CTSA: variants seen among roughly 807,000 people sequenced by gnomAD.
CTSA encodes cathepsin A.
Under a neutral mutation model 66.7 loss-of-function variants are expected in CTSA, and 42 were observed. The observed-to-expected ratio is 0.63, with a 90% CI of 0.49 to 0.81. The LOEUF (loss-of-function observed/expected upper bound fraction) is 0.81. Ranked by LOEUF, CTSA falls within the 40% of genes least tolerant of loss-of-function variation. The pLI, the probability that CTSA is intolerant of heterozygous loss-of-function variation, is 0.00. For synonymous variants in CTSA, 225 were observed against 248.6 expected (o/e 0.91, Z 0.89); for missense variants, 525 against 610.9 (o/e 0.86, Z 1.48).
chr20:45,894,736 T>G lies in CTSA; in HGVS notation c.864T>G (p.His288Gln). 6.2e-7 allele frequency: 1 copy of G among 1,613,960 alleles called. No individual in the cohort carries two copies. Among genetic ancestry groups the G allele is most frequent in the South Asian group, 1.1e-5 (1 of 91,070 alleles). Residue 288 changes from histidine to glutamine, a missense_variant, in exon 9 of 15, where the codon CAT becomes CAG. This residue lies in a region of CTSA where 274 missense variants were observed against 321.1 expected (regional missense o/e 0.85). Transcript: ENST00000646241. ...CGTGTGCTGGAGGGGTGCCCAGCCA[T>G]TTTAGGTAGGTGCTGCTGGGTGCCC... ...YAPCAGGVPS[H>Q]FRYEKDTVVV...
rs756596610 is a variant in CTSA at position 45,891,875 on chromosome 20, CCCCT to C, written c.195-38_195-35del. 6.2e-7 allele frequency: 1 copy of C among 1,604,632 alleles called. No homozygotes were observed. The highest frequency in any genetic ancestry group is 8.5e-7 in the Non-Finnish European group (1 of 1,171,506). On this transcript the variant is annotated intron_variant, in intron 2 of 14. Transcript: ENST00000646241. This position sits in a 1 kb window ranked among gnomAD's most constrained non-coding sequence, Gnocchi z 4.6. ...TGGGAGCCGGGAGGGCTGGAAAGGG[CCCCT>C]CCAACTGCGCCAACCCTGCCCTGAC...
chr20:45,897,702 C>A lies in CTSA; in HGVS notation c.1165-15C>A, dbSNP rs778048027. 6.5e-6 allele frequency: 10 copies of A among 1,536,574 alleles called. No homozygotes were observed. Among genetic ancestry groups the A allele is most frequent in the Middle Eastern group, 3.4e-4 (2 of 5,926 alleles). The stretch of plus-strand genomic sequence containing the variant: ...CTTGTTCCACACCCCTCATTTTTAC[C>A]CCATCCTGCTTTAGAAATACCAGAT... On this transcript the variant is annotated splice_polypyrimidine_tract_variant and intron_variant, in intron 12 of 14. Transcript: ENST00000646241.
At position 45,892,534 on chromosome 20, in the gene CTSA, A is replaced by G. The variant is rs776941432; in HGVS notation, c.444+50A>G. On this transcript the variant is annotated intron_variant, in intron 5 of 14. Transcript: ENST00000646241. ...CCCCAGGCTCCCCGGTCCTCCATCC[A>G]TGGCATGATGCTGGGAGAGAGAGCA... 6 of 1,571,196 alleles carry G rather than the reference A, an allele frequency of 3.8e-6. No individual in the cohort carries two copies. The African/African-American group carries it at 4.1e-5, about 11-fold the overall frequency.
At position 45,897,764 on chromosome 20, in the gene CTSA, T is replaced by G; in HGVS notation, c.1212T>G (p.Asn404Lys). The G allele has an allele frequency of 6.2e-7, 1 of 1,612,912 alleles. No individual in the cohort carries two copies. The highest frequency in any genetic ancestry group is 1.1e-5 in the South Asian group (1 of 91,080). ...ATGGAGATGTAGACATGGCCTGCAA[T>G]TTCATGGGGGATGAGTGGTTTGTGG... ...LYNGDVDMAC[N>K]FMGDEWFVDS... Residue 404 changes from asparagine to lysine, a missense_variant, in exon 13 of 15, where the codon AAT (asparagine) becomes AAG (lysine). Asn to Lys is a moderately conservative substitution (Grantham distance 94). Coordinates refer to ENST00000646241, the MANE Select transcript of CTSA (RefSeq NM_000308.4).
chr20:45,897,855 G>A, intron 13 of CTSA, 49 bp downstream of exon 13: 22 of 1,523,492 alleles, frequency 1.4e-5, no homozygotes, highest in Non-Finnish European at 1.9e-5. Flanking sequence ...GTGGAGGATT[G>A]GGAGCGGGTA....
intron 5 of CTSA, 53 bp from the exon 6 acceptor site, chr20:45,892,672 A>C: frequency 6.2e-7 from 1 of 1,612,048 alleles, no homozygotes; most frequent in Non-Finnish European, 8.5e-7. Flanking sequence ...AGTTCTTTCC[A>C]GTTCAAATAC....
chr20:45,898,415 A>G lies in CTSA; in HGVS notation c.1408A>G (p.Met470Val), dbSNP rs978638084. Residue 470 changes from methionine to valine, a missense_variant, in exon 15 of 15, where the codon ATG (methionine) becomes GTG (valine). By Grantham distance (21) the Met-to-Val change is conservative. This residue lies in a region of CTSA where 274 missense variants were observed against 321.1 expected (regional missense o/e 0.85). Transcript: ENST00000646241. This position sits in a 1 kb window ranked among gnomAD's most constrained non-coding sequence, Gnocchi z 4.6. ...PTDKPLAAFT[M>V]FSRFLNKQPY ...CGACAAGCCCCTCGCTGCCTTCACC[A>G]TGTTCTCCCGCTTCCTGAACAAGCA... The G allele has an allele frequency of 2.5e-5, 41 of 1,613,718 alleles. No homozygotes were observed. Among genetic ancestry groups the G allele is most frequent in the Non-Finnish European group, 3.3e-5 (39 of 1,179,934 alleles).
chr20:45,891,969 A>G lies in CTSA; in HGVS notation c.248A>G (p.Asn83Ser), dbSNP rs758876717. Reference sequence around the variant, plus strand: ...AACAGCCCTGTGGTGCTTTGGCTCAATGGGGGTCCCGGCTGCAGCTCACTA... The same window carrying G: ...AACAGCCCTGTGGTGCTTTGGCTCAGTGGGGGTCCCGGCTGCAGCTCACTA... ...PENSPVVLWL[N>S]GGPGCSSLDG... The change falls in exon 3 of 15, where the codon AAT becomes AGT. Residue 83 changes from asparagine (N) to serine (S), a missense_variant. Asn to Ser is a conservative substitution (Grantham distance 46, BLOSUM62 1). Around this residue, in one of 3 missense-constraint regions of CTSA, gnomAD observed 246 missense variants for 267.4 expected, o/e 0.92. Transcript: ENST00000646241. This position sits in a 1 kb window ranked among gnomAD's most constrained non-coding sequence, Gnocchi z 4.6. 7 of 1,614,134 alleles carry G rather than the reference A, an allele frequency of 4.3e-6. No individual in the cohort carries two copies. The highest frequency in any genetic ancestry group is 1.7e-5 in the Admixed American group (1 of 60,026).
chr20:45,892,714 G>A lies in CTSA; in HGVS notation c.445-11G>A. 6.2e-7 allele frequency: 1 copy of A among 1,614,126 alleles called. No individual in the cohort carries two copies. The highest frequency in any genetic ancestry group is 2.2e-5 in the East Asian group (1 of 44,890). On this transcript the variant is annotated splice_polypyrimidine_tract_variant and intron_variant, in intron 5 of 14. Coordinates refer to ENST00000646241, the MANE Select transcript of CTSA (RefSeq NM_000308.4). Reference sequence around the variant, plus strand: ...TTCCTGATTCCCTCTGTCTTGCTCTGCCATCCCCAGGTCGCCCAGAGCAAT... The same window carrying A: ...TTCCTGATTCCCTCTGTCTTGCTCTACCATCCCCAGGTCGCCCAGAGCAAT...
chr20:45,892,030 G>A lies in CTSA; in HGVS notation c.306+3G>A. ...TCACAGAGCATGGCCCCTTCCTGGT[G>A]AGTGGACAGCAGGGGGAAAGCACAG... is the stretch of plus-strand genomic sequence containing the variant. On this transcript the variant is annotated splice_donor_region_variant and intron_variant, in intron 3 of 14. Coordinates refer to ENST00000646241, the MANE Select transcript of CTSA (RefSeq NM_000308.4). 1.9e-6 allele frequency: 3 copies of A among 1,611,582 alleles called. No homozygotes were observed. Among genetic ancestry groups the A allele is most frequent in the Non-Finnish European group, 2.5e-6 (3 of 1,177,728 alleles).
At chr20:45,894,442 G>C (rs768346103) in intron 8 of CTSA, 2 of 637,618 alleles carry the variant, frequency 3.1e-6, no homozygotes, top group Non-Finnish European at 5.6e-6. Context: ...TGAAATCACT[G>C]TCTGAAGTCA....
intron 5 of CTSA, 109 bp from the exon 6 acceptor site, chr20:45,892,616 C>A: frequency 6.6e-7 from 1 of 1,521,856 alleles, no homozygotes; most frequent in South Asian, 1.1e-5. Flanking sequence ...GGTGGCCAGT[C>A]ACTTCCTCTT....
rs768216930 is a variant in CTSA at position 45,897,057 on chromosome 20, C to T, written c.1164+17C>T. The T allele has an allele frequency of 6.3e-7, 1 of 1,599,552 alleles. No homozygotes were observed. Among genetic ancestry groups the T allele is most frequent in the African/African-American group, 1.3e-5 (1 of 74,766 alleles). ...AGCTCACAGGTGAGTGGGGAGAGCA[C>T]AGCTGGATCACCAGCAGCCTTAGGA... On this transcript the variant is annotated intron_variant, in intron 12 of 14. Coordinates refer to ENST00000646241, the MANE Select transcript of CTSA (RefSeq NM_000308.4).
chr20:45,897,526 A>G (rs2083123584), intron 12 of CTSA, 191 bp from the exon 13 acceptor site: 1 of 589,814 alleles, frequency 1.7e-6, no homozygotes. Context: ...TAATAATGAT[A>G]TCTACCTTCA....
chr20:45,895,236 A>G, intron 11 of CTSA, 103 bp downstream of exon 11: 2 of 1,376,410 alleles, frequency 1.5e-6, no homozygotes, highest in Non-Finnish European at 2.1e-6. Flanking sequence ...TCTCAATGAG[A>G]TGAGCTGTAG....
Position 45,898,571 on chromosome 20 carries a change from C to G in CTSA, c.*121C>G. The G allele has an allele frequency of 1.0e-6, 1 of 976,436 alleles. No homozygotes were observed. The highest frequency in any genetic ancestry group is 1.6e-6 in the Non-Finnish European group (1 of 634,070). 60.5% of individuals were successfully genotyped at this position (976,436 alleles called of 1,614,324 possible). ...GTTCTGCCGCCAGGACTGCCCCCTT[C>G]CCAGAGCCCTGTACATCCCAGACTG... On this transcript the variant is annotated 3_prime_UTR_variant, in exon 15 of 15. Coordinates refer to ENST00000646241, the MANE Select transcript of CTSA (RefSeq NM_000308.4). The surrounding 1 kb of genome is among the most constrained non-coding windows in gnomAD (Gnocchi z 4.6).
In CTSA at chr20:45,891,897, G is replaced by T; in HGVS notation, c.195-19G>T. On this transcript the variant is annotated intron_variant, in intron 2 of 14. Transcript: ENST00000646241. This position sits in a 1 kb window ranked among gnomAD's most constrained non-coding sequence, Gnocchi z 4.6. ...GGGCCCCTCCAACTGCGCCAACCCTGCCCTGACCCCCCTCCCAGGTTTGTG... is the reference window on the plus strand; with the variant it reads ...GGGCCCCTCCAACTGCGCCAACCCTTCCCTGACCCCCCTCCCAGGTTTGTG... 1.2e-6 allele frequency: 2 copies of T among 1,612,304 alleles called. No homozygotes were observed. The highest frequency in any genetic ancestry group is 1.7e-6 in the Non-Finnish European group (2 of 1,178,384).
intron 12 of CTSA, 149 bp from the exon 13 acceptor site, chr20:45,897,568 G>A (rs1217273552): frequency 4.4e-6 from 3 of 680,890 alleles, no homozygotes; most frequent in Non-Finnish European, 8.1e-6. Flanking sequence ...TACTGGACAT[G>A]CAGTAAGTCG....
In CTSA at chr20:45,898,119, G is replaced by A. The variant is rs1360404435; in HGVS notation, c.1359+10G>A. The A allele has an allele frequency of 6.2e-7, 1 of 1,612,608 alleles. No homozygotes were observed. Among genetic ancestry groups the A allele is most frequent in the Non-Finnish European group, 8.5e-7 (1 of 1,178,660 alleles). ...CTTTCTCACGATCAAGGTAGGGACT[G>A]GGCCTGCTGAGAGATAACTGGGCCG... On this transcript the variant is annotated intron_variant, in intron 14 of 14. Coordinates refer to ENST00000646241, the MANE Select transcript of CTSA (RefSeq NM_000308.4). This position sits in a 1 kb window ranked among gnomAD's most constrained non-coding sequence, Gnocchi z 4.6.
Sources: gnomAD v4.1 joint callset for allele counts on GRCh38, gnomAD v4.1.1 for gene constraint, gnomAD v4.1.1 regional missense constraint, Gnocchi (gnomAD v3.1) non-coding constraint, MANE v1.5 for transcripts, NCBI Gene and HGNC (gene_info 2026-07-23, HGNC 2026-07-21) for gene names.